Variants in MAPK6 observed in about 807,000 individuals in gnomAD.
MAPK6 encodes the protein ERK-3.
MAPK6 carries 19 observed loss-of-function variants against 59.3 expected under a neutral mutation model. The observed-to-expected ratio is 0.32, with a 90% CI of 0.22 to 0.47. The LOEUF is 0.47. Ranked by LOEUF, MAPK6 falls within the 20% of genes least tolerant of loss-of-function variation. The probability of loss-of-function intolerance (pLI) is 1.00; values close to 1 mark genes in which losing one functional copy is unlikely to be tolerated. For synonymous variants in MAPK6, 316 were observed against 290.3 expected, an observed-to-expected ratio of 1.09 and a Z score of -0.90; for missense variants, 724 against 847.9, an observed-to-expected ratio of 0.85 and a Z score of 1.81.
At chr15:51,973,747 G>C (rs145091056) in intron 1 of MAPK6, among the ~76,000 whole-genome samples, 1 of 151,788 alleles carries the variant, frequency 6.6e-6, no homozygotes, top group African/African-American at 2.4e-5. Flanking sequence ...CCACCTCCCG[G>C]GTTCGAGTGA....
rs2030385064 is a variant in MAPK6, at chr15:52,019,226, G to A, written c.-782G>A. The A allele has an allele frequency of 6.6e-6, 1 of 151,992 alleles. No individual in the cohort carries two copies. Among genetic ancestry groups the A allele is most frequent in the South Asian group, 2.1e-4 (1 of 4,822 alleles). 9.4% of individuals were successfully genotyped at this position (151,992 alleles called of 1,614,324 possible). Reference sequence around the variant, plus strand: ...CGCGAAGCCCCGCCCCCTCTTCCTCGCCCTCTCTCGCGGGTCGGGGTTACA... The same window carrying A: ...CGCGAAGCCCCGCCCCCTCTTCCTCACCCTCTCTCGCGGGTCGGGGTTACA... On this transcript the variant is annotated 5_prime_UTR_variant, in exon 1 of 6. Coordinates refer to ENST00000261845, the MANE Select transcript of MAPK6 (RefSeq NM_002748.4).
intron 5 of MAPK6, 114 bp from the exon 6 acceptor site, chr15:52,063,788 C>A (rs930993704): frequency 1.4e-5 from 11 of 810,922 alleles, no homozygotes; most frequent in Admixed American, 3.3e-5. Flanking sequence ...TATTTACTCT[C>A]CTATAATTAT....
chr15:52,033,022 G>A (rs986516795), intron 1 of MAPK6, among the ~76,000 whole-genome samples: 5 of 152,124 alleles, frequency 3.3e-5, no homozygotes, highest in Non-Finnish European at 7.3e-5. Flanking sequence ...CACTATGTTG[G>A]TCAGGCTGGT....
At chr15:52,043,126 T>C (rs2031479274) in intron 1 of MAPK6, among the ~76,000 whole-genome samples, 2 of 151,636 alleles carry the variant, frequency 1.3e-5, no homozygotes, top group South Asian at 4.2e-4. Context: ...AGCAATACCC[T>C]GTCTCAAAAA....
In MAPK6 at chr15:52,043,845, A is replaced by G. The variant is rs537105756; in HGVS notation, c.-631-1985A>G. 2.4e-5 allele frequency among the ~76,000 whole-genome samples: 3 copies of G among 124,272 alleles called. 1 individual carries two copies. The South Asian group carries it at 7.4e-4, about 31-fold the overall frequency. The allele number at this position is 124,272 out of a possible 152,430, so 81.5% of individuals were successfully genotyped here. Reference sequence around the variant, plus strand: ...AGGATCTCGGCTCACTGCAACCTCTACCTCCCTGCAACCTCTACCTACCTG... The same window carrying G: ...AGGATCTCGGCTCACTGCAACCTCTGCCTCCCTGCAACCTCTACCTACCTG... On this transcript the variant is annotated intron_variant, in intron 1 of 5. Transcript: ENST00000261845.
At chr15:52,037,643 G>A (rs2031285688) in intron 1 of MAPK6, among the ~76,000 whole-genome samples, 1 of 152,148 alleles carries the variant, frequency 6.6e-6, no homozygotes, top group Admixed American at 6.5e-5. Flanking sequence ...CCTTCTTCAT[G>A]TTGTTGGCAG....
At chr15:51,979,130 G>A (rs1199070324) in intron 1 of MAPK6, among the ~76,000 whole-genome samples, 3 of 134,332 alleles carry the variant, frequency 2.2e-5, no homozygotes, top group Non-Finnish European at 4.8e-5. Context: ...AGAAAGAAAG[G>A]AAGGAAGGGA....
intron 1 of MAPK6, among the ~76,000 whole-genome samples, chr15:52,039,896 T>C (rs1354812922): frequency 6.6e-6 from 1 of 152,196 alleles, no homozygotes; most frequent in Admixed American, 6.5e-5. Context: ...GCATAGTTAC[T>C]GATACTACCC....
At chr15:52,013,009 AAAAAAAAAAAAATATATATATAT>A (rs2030122496) in intron 3 of MAPK6, among the ~76,000 whole-genome samples, 6 of 26,110 alleles carry the variant, frequency 2.3e-4, no homozygotes, top group African/African-American at 8.7e-4. Flanking sequence ...AAAAAAAAAA[AAAAAAAAAAAAATATATATATAT>A]ATATATATAT....
At chr15:52,002,505 T>C (rs1414331234) in intron 2 of MAPK6, among the ~76,000 whole-genome samples, 1 of 152,218 alleles carries the variant, frequency 6.6e-6, no homozygotes, top group Non-Finnish European at 1.5e-5. Flanking sequence ...GGATATTTAT[T>C]AGGGAGGGCC....
chr15:52,040,966 G>A (rs1040098486), intron 1 of MAPK6, among the ~76,000 whole-genome samples: 2 of 151,880 alleles, frequency 1.3e-5, no homozygotes, highest in African/African-American at 2.4e-5. Context: ...AAACAATATC[G>A]AACCAGCTAA....
intron 3 of MAPK6, among the ~76,000 whole-genome samples, chr15:52,011,977 T>C (rs1392416746): frequency 1.3e-5 from 2 of 152,210 alleles, no homozygotes; most frequent in Non-Finnish European, 2.9e-5. Context: ...TAGACCCTCC[T>C]TGACAGGTGG....
chr15:52,004,470 C>T (rs547375718), intron 3 of MAPK6: 1 of 152,268 alleles, frequency 6.6e-6, no homozygotes, highest in East Asian at 1.9e-4. Context: ...GCCCCTGTTT[C>T]CCTTTCTCAC....
At chr15:52,045,792 C>A (rs2031576084) in intron 1 of MAPK6, 38 bp from the exon 2 acceptor site, 1 of 152,574 alleles carries the variant, frequency 6.6e-6, no homozygotes, top group African/African-American at 2.4e-5. Flanking sequence ...AGAGTATTTC[C>A]TGCAATGGTG....
intron 1 of MAPK6, among the ~76,000 whole-genome samples, chr15:51,975,396 C>G (rs1002490093): frequency 1.3e-5 from 2 of 151,496 alleles, no homozygotes; most frequent in Non-Finnish European, 2.9e-5. Flanking sequence ...CAAAAATTAG[C>G]TGGGTGGGGT....
chr15:52,018,806 C>G (rs2030356665), upstream of MAPK6: 1 of 152,350 alleles, frequency 6.6e-6, no homozygotes. Context: ...TTAGTATTGG[C>G]CTCTAACGCG....
intron 1 of MAPK6, among the ~76,000 whole-genome samples, chr15:52,032,614 CTTCTT>C (rs1566905445): frequency 1.3e-5 from 2 of 152,170 alleles, no homozygotes. Context: ...TCCTAAAAGA[CTTCTT>C]TTAGCATTTC....
At chr15:51,993,527 G>A (rs553056336) in intron 2 of MAPK6, among the ~76,000 whole-genome samples, 4 of 152,240 alleles carry the variant, frequency 2.6e-5, no homozygotes, top group South Asian at 2.1e-4. Context: ...GAAAAAACTA[G>A]AAGAATTATT....
rs574953127 is a variant in MAPK6, at chr15:52,000,044, C to G, written c.-769-4221C>G. Among the ~76,000 whole-genome samples the G allele has an allele frequency of 3.9e-5, 6 of 152,258 alleles. No individual in the cohort carries two copies. The South Asian group carries it at 1.0e-3, about 26-fold the overall frequency. On this transcript the variant is annotated intron_variant, in intron 2 of 7. Transcript: ENST00000691380. ...GCCCGGACTTCCCAGCTCAAGTGAT[C>G]CTCCTGCTTTCACCTCCCCTGTAGC...
Sources: allele counts gnomAD v4.1 joint callset (sites outside exome capture counted in the v4.1 genomes callset), GRCh38; gene constraint gnomAD v4.1.1; transcripts MANE v1.5; gene names NCBI Gene and HGNC (gene_info 2026-07-23, HGNC 2026-07-21).